The following CELF4 variants were observed in gnomAD, a reference collection of about 807,000 sequenced individuals.
The protein encoded by CELF4 is CUGBP Elav-like family member 4.
Under a neutral mutation model 59.9 loss-of-function variants are expected in CELF4, and 18 were observed. That is an observed-to-expected ratio of 0.30 (90% CI 0.21 to 0.45). The LOEUF is 0.45. Ranked by LOEUF, CELF4 falls within the 20% of genes least tolerant of loss-of-function variation. CELF4 has a pLI of 1.00. For synonymous variants in CELF4, 261 were observed against 267.1 expected (o/e 0.98, Z 0.22); for missense variants, 456 against 689.0 (o/e 0.66, Z 3.79).
intron 3 of CELF4, among the ~76,000 whole-genome samples, chr18:37,296,562 AT>A (rs1272652969): frequency 6.6e-6 from 1 of 152,144 alleles, no homozygotes; most frequent in Non-Finnish European, 1.5e-5. Context: ...CAGGACCCTC[AT>A]TGGTTTGAAA....
chr18:37,429,346 C>G (rs894908236), intron 2 of CELF4, among the ~76,000 whole-genome samples: 3 of 152,006 alleles, frequency 2.0e-5, no homozygotes, highest in Admixed American at 6.6e-5. Flanking sequence ...GTATGTGCCT[C>G]TGTGTGTGCT....
At chr18:37,247,953 A>C (rs1255808450) in intron 12 of CELF4, among the ~76,000 whole-genome samples, 1 of 152,002 alleles carries the variant, frequency 6.6e-6, no homozygotes, top group African/African-American at 2.4e-5. Context: ...CCAGCAGGGG[A>C]TGTCTGTCAA....
chr18:37,329,878 C>T (rs2097475429), intron 2 of CELF4, among the ~76,000 whole-genome samples: 1 of 152,234 alleles, frequency 6.6e-6, no homozygotes, highest in South Asian at 2.1e-4. Context: ...TGACGCTGAC[C>T]TGGGGGTGCC....
chr18:37,372,731 A>G (rs1295592191), intron 2 of CELF4, among the ~76,000 whole-genome samples: 1 of 152,288 alleles, frequency 6.6e-6, no homozygotes, highest in East Asian at 1.9e-4. Flanking sequence ...ATGACTTGCT[A>G]TTACTTATGA....
At chr18:37,343,235 G>T (rs901994770) in intron 2 of CELF4, among the ~76,000 whole-genome samples, 4 of 152,152 alleles carry the variant, frequency 2.6e-5, no homozygotes, top group South Asian at 2.1e-4. Flanking sequence ...GCATGGGAAT[G>T]ACTGCGTCTG....
chr18:37,248,497 G>C (rs907837686), intron 12 of CELF4, among the ~76,000 whole-genome samples: 1 of 152,094 alleles, frequency 6.6e-6, no homozygotes, highest in Non-Finnish European at 1.5e-5. Context: ...GCACAGAGGC[G>C]AGCGCCTCCA....
chr18:37,548,809 A>G (rs1424668746), intron 1 of CELF4, among the ~76,000 whole-genome samples: 2 of 152,192 alleles, frequency 1.3e-5, no homozygotes, highest in Non-Finnish European at 2.9e-5. Context: ...GCATGGGGCA[A>G]GGACCCAGGC....
intron 3 of CELF4, among the ~76,000 whole-genome samples, chr18:37,297,879 C>G (rs1455544949): frequency 6.6e-6 from 1 of 151,662 alleles, no homozygotes; most frequent in African/African-American, 2.4e-5. Flanking sequence ...GCCCAGATGC[C>G]AGACCCTGTG....
chr18:37,327,927 GT>G (rs2097379103), intron 2 of CELF4, among the ~76,000 whole-genome samples: 1 of 152,194 alleles, frequency 6.6e-6, no homozygotes, highest in South Asian at 2.1e-4. Context: ...CAAAGTCTAG[GT>G]TTGAAGCTCA....
intron 2 of CELF4, among the ~76,000 whole-genome samples, chr18:37,348,054 G>C (rs1251414296): frequency 6.6e-6 from 1 of 152,146 alleles, no homozygotes; most frequent in Non-Finnish European, 1.5e-5. Context: ...CCTCCTCCAG[G>C]CCGGGCCTCT....
Position 37,549,623 on chromosome 18 carries a change from G to C in CELF4, c.286+15733C>G, listed in dbSNP as rs552077872. On this transcript the variant is annotated intron_variant, in intron 1 of 12. Coordinates refer to ENST00000420428, the MANE Select transcript of CELF4 (RefSeq NM_020180.4). ...TTTTTCATTTTTCTTTATAAAAAAG[G>C]TATCAACTGTACCTGGTTGCAATAG... Among the ~76,000 whole-genome samples the C allele has an allele frequency of 2.0e-5, 3 of 152,204 alleles. No homozygotes were observed. In the East Asian group the frequency reaches 5.8e-4, roughly 29 times the overall value.
chr18:37,557,700 T>A (rs1166801313), intron 1 of CELF4, among the ~76,000 whole-genome samples: 1 of 152,196 alleles, frequency 6.6e-6, no homozygotes, highest in Non-Finnish European at 1.5e-5. Flanking sequence ...ATTAAGCTCT[T>A]GTAGGAAGCC....
chr18:37,301,460 CT>C (rs2096029810), intron 3 of CELF4, among the ~76,000 whole-genome samples: 1 of 152,204 alleles, frequency 6.6e-6, no homozygotes, highest in South Asian at 2.1e-4. Context: ...AGAAGTAGCC[CT>C]CCCCCAGCAG....
Position 37,294,661 on chromosome 18 carries a change from C to T in CELF4, c.449-19418G>A, listed in dbSNP as rs528548340. Among the ~76,000 whole-genome samples the T allele has an allele frequency of 5.6e-4, 86 of 152,334 alleles. 1 individual carries two copies. In the South Asian group the frequency reaches 0.016, roughly 29 times the overall value. On this transcript the variant is annotated intron_variant, in intron 3 of 12. Transcript: ENST00000420428. ...TAATTTTTAGAATCCAGCCTCTTCA[C>T]CTTTTAAAAACTTGGACCTTTGTCC...
intron 3 of CELF4, among the ~76,000 whole-genome samples, chr18:37,309,264 G>T (rs1386710650): frequency 6.6e-6 from 1 of 152,208 alleles, no homozygotes; most frequent in Non-Finnish European, 1.5e-5. Context: ...AAAGACAGAG[G>T]TGCAAAGGCT....
At chr18:37,552,807 C>T (rs150308836) in intron 1 of CELF4, among the ~76,000 whole-genome samples, 1 of 152,200 alleles carries the variant, frequency 6.6e-6, no homozygotes. Context: ...TGGCTTCCCA[C>T]GTATCTCAGC....
intron 8 of CELF4, 119 bp downstream of exon 8, chr18:37,270,649 G>A: frequency 8.1e-7 from 1 of 1,238,206 alleles, no homozygotes. Flanking sequence ...TCACACTTGG[G>A]GTTTCATCAA....
intron 1 of CELF4, among the ~76,000 whole-genome samples, chr18:37,525,849 T>C (rs1299471282): frequency 6.6e-6 from 1 of 152,184 alleles, no homozygotes; most frequent in African/African-American, 2.4e-5. Flanking sequence ...GTTCACAGTC[T>C]CATAGAGGAA....
In CELF4 at chr18:37,470,893, A is replaced by T. The variant is rs1471833809; in HGVS notation, c.369+14632T>A. 3.5e-3 allele frequency among the ~76,000 whole-genome samples: 434 copies of T among 124,770 alleles called. 3 individuals are homozygous for T. Among genetic ancestry groups the T allele is most frequent in the African/African-American group, 0.015 (407 of 27,552 alleles). 81.9% of individuals were successfully genotyped at this position (124,770 alleles called of 152,430 possible). ...GTGTGTGTGTGTGTGTGTGTGACAG[A>T]GAGAGAGAGAGAGAGAGAGAGAGAG... On this transcript the variant is annotated intron_variant, in intron 2 of 12. Transcript: ENST00000420428.
Sources: allele counts gnomAD v4.1 joint callset (sites outside exome capture counted in the v4.1 genomes callset), GRCh38; gene constraint gnomAD v4.1.1; transcripts MANE v1.5; gene names NCBI Gene and HGNC (gene_info 2026-07-23, HGNC 2026-07-21).